The following ANKRD36C variants were observed in gnomAD, a reference collection of about 807,000 sequenced individuals.
The protein encoded by ANKRD36C is ankyrin repeat domain-containing protein 36C.
A neutral mutation model predicts 276.4 loss-of-function variants in ANKRD36C; 61 were observed. That is an observed-to-expected ratio of 0.22 (90% CI 0.18 to 0.27). The LOEUF is 0.27. Ranked by LOEUF, ANKRD36C falls within the 10% of genes least tolerant of loss-of-function variation. The pLI is 1.00. For synonymous variants in ANKRD36C, 483 were observed against 680.1 expected (o/e 0.71, Z 4.51); for missense variants, 1,447 against 2,032.3 (o/e 0.71, Z 5.54).
rs576408866 is a variant in ANKRD36C, at chr2:95,893,979, T to C, written c.2756-2119A>G. Among the ~76,000 whole-genome samples the C allele has an allele frequency of 2.0e-3, 301 of 151,504 alleles. 1 individual carries two copies. The highest frequency in any genetic ancestry group is 3.3e-3 in the Non-Finnish European group (220 of 67,592). On this transcript the variant is annotated intron_variant, in intron 44 of 66. Transcript: ENST00000456556. The stretch of plus-strand genomic sequence containing the variant: ...TATGTCAAAAACTAAAATAAAACCG[T>C]GTCAATCTCAATGTGCATAGGCCGA...
At position 95,916,128 on chromosome 2, in the gene ANKRD36C, T is replaced by G. The variant is rs1043848531; in HGVS notation, c.2376+15A>C. ...TACGTTTACTAGCTCACAATATAAATGAGAGTTTCATTACCTTCAAGGCTG... is the reference window on the plus strand; with the variant it reads ...TACGTTTACTAGCTCACAATATAAAGGAGAGTTTCATTACCTTCAAGGCTG... On this transcript the variant is annotated intron_variant, in intron 37 of 66. Transcript: ENST00000456556. The G allele has an allele frequency of 3.1e-6, 5 of 1,605,408 alleles. No homozygotes were observed. In the African/African-American group the frequency reaches 6.7e-5, roughly 22 times the overall value.
chr2:95,957,591 A>G (rs1421222097), intron 12 of ANKRD36C, among the ~76,000 whole-genome samples: 3 of 152,276 alleles, frequency 2.0e-5, no homozygotes, highest in African/African-American at 7.2e-5. Flanking sequence ...TACAAACCTA[A>G]TAAAAATGTA....
exon 39 of ANKRD36C, chr2:95,914,292 T>C (rs779986992): frequency 6.5e-7 from 1 of 1,549,396 alleles, no homozygotes; most frequent in African/African-American, 1.4e-5. Context: ...CCTGCTGGTT[T>C]CTCAGAAGTC....
At chr2:95,867,755 G>A (rs1675712562) in intron 59 of ANKRD36C, among the ~76,000 whole-genome samples, 174 bp from the exon 80 acceptor site, 1 of 151,216 alleles carries the variant, frequency 6.6e-6, no homozygotes, top group African/African-American at 2.4e-5. Flanking sequence ...AAGACCACAT[G>A]GTCTATGGAT....
At chr2:95,863,929 C>T (rs1573725562) in intron 60 of ANKRD36C, among the ~76,000 whole-genome samples, 1 of 152,150 alleles carries the variant, frequency 6.6e-6, no homozygotes. Context: ...CAAATCCATA[C>T]ATGTACAGTA....
chr2:95,956,710 A>G, intron 13 of ANKRD36C, 76 bp downstream of exon 13: 1 of 1,345,332 alleles, frequency 7.4e-7, no homozygotes, highest in Non-Finnish European at 1.0e-6. Flanking sequence ...AGAGGAGAAC[A>G]CTAAACGGGC....
intron 6 of ANKRD36C, among the ~76,000 whole-genome samples, chr2:95,963,972 A>AATATATATATATATATATATATAT (rs1160108122): frequency 8.2e-5 from 4 of 48,990 alleles, no homozygotes; most frequent in Admixed American, 2.9e-4. Context: ...TATATATATA[A>AATATATATATATATATATATATAT]ATATATATAT....
chr2:95,986,477 C>G (rs1441100451), intron 3 of ANKRD36C: 5 of 374,526 alleles, frequency 1.3e-5, no homozygotes, highest in Non-Finnish European at 1.4e-5. Context: ...TAACTATTAC[C>G]TTTCCCAAAT....
chr2:95,912,284 A>G, exon 42 of ANKRD36C: 1 of 1,564,490 alleles, frequency 6.4e-7, no homozygotes, highest in Non-Finnish European at 8.7e-7. Context: ...CTCTGGTTAT[A>G]TTCGAAAAAG....
chr2:95,954,463 A>AT (rs1678281191), intron 13 of ANKRD36C, among the ~76,000 whole-genome samples: 1 of 152,150 alleles, frequency 6.6e-6, no homozygotes, highest in East Asian at 1.9e-4. Flanking sequence ...TGATTCAAAG[A>AT]CTAATCTGTG....
intron 42 of ANKRD36C, 120 bp from the exon 45 acceptor site, chr2:95,910,688 G>T (rs1445786384): frequency 7.1e-6 from 11 of 1,544,608 alleles, no homozygotes; most frequent in Non-Finnish European, 8.7e-6. Flanking sequence ...GGCTTTGATG[G>T]CTTCTACTTT....
intron 6 of ANKRD36C, among the ~76,000 whole-genome samples, chr2:95,976,658 G>A (rs992436382): frequency 1.1e-4 from 17 of 152,082 alleles, no homozygotes; most frequent in Non-Finnish European, 2.9e-5. Context: ...AGTTACAAAA[G>A]GGTTACGCAG....
At chr2:95,911,817 T>C (rs914969567) in intron 42 of ANKRD36C, among the ~76,000 whole-genome samples, 14 of 151,450 alleles carry the variant, frequency 9.2e-5, no homozygotes, top group African/African-American at 3.4e-4. Flanking sequence ...AATTGCTACA[T>C]CAGGGGTCTC....
chr2:95,964,690 G>A (rs1573808545), intron 6 of ANKRD36C, among the ~76,000 whole-genome samples: 1 of 152,020 alleles, frequency 6.6e-6, no homozygotes, highest in Non-Finnish European at 1.5e-5. Flanking sequence ...ATTGGTTTGA[G>A]TATCTATCAT....
intron 42 of ANKRD36C, 149 bp downstream of exon 54, chr2:95,902,737 A>G: frequency 9.3e-7 from 1 of 1,079,502 alleles, no homozygotes; most frequent in Non-Finnish European, 1.3e-6. Flanking sequence ...CATCATCATC[A>G]TCACCCACAA....
chr2:95,914,078 T>C (rs777115379), intron 40 of ANKRD36C, 30 bp downstream of exon 42: 13 of 1,533,798 alleles, frequency 8.5e-6, no homozygotes, highest in East Asian at 2.4e-5. Flanking sequence ...TCTCGACTGA[T>C]CATGACATTA....
In ANKRD36C at chr2:95,921,823, A is replaced by C; in HGVS notation, c.2144-13T>G. Reference sequence around the variant, plus strand: ...TTCTGAGAAGACACTGAAAAACAAAAGGGATAATCACTCATATGTAAATAT... The same window carrying C: ...TTCTGAGAAGACACTGAAAAACAAACGGGATAATCACTCATATGTAAATAT... On this transcript the variant is annotated splice_polypyrimidine_tract_variant and intron_variant, in intron 32 of 66. Coordinates refer to ENST00000456556, the Ensembl canonical transcript of ANKRD36C. The C allele has an allele frequency of 6.3e-7, 1 of 1,594,410 alleles. No individual in the cohort carries two copies. The highest frequency in any genetic ancestry group is 8.5e-7 in the Non-Finnish European group (1 of 1,173,424).
intron 5 of ANKRD36C, among the ~76,000 whole-genome samples, chr2:95,979,935 G>A (rs1678883442): frequency 6.6e-6 from 1 of 151,962 alleles, no homozygotes; most frequent in Non-Finnish European, 1.5e-5. Context: ...AGGTTCTGCT[G>A]TTTTGGAAAC....
At chr2:95,963,553 T>A (rs545128082) in intron 6 of ANKRD36C, among the ~76,000 whole-genome samples, 2,233 of 135,846 alleles carry the variant, frequency 0.016, 70 homozygotes, top group African/African-American at 0.059. Context: ...TCTATGTCTC[T>A]GATTCCCAAT....
Sources: allele counts gnomAD v4.1 joint callset (sites outside exome capture counted in the v4.1 genomes callset), GRCh38; gene constraint gnomAD v4.1.1; transcripts MANE v1.5; gene names NCBI Gene and HGNC (gene_info 2026-07-23, HGNC 2026-07-21).